SLC3A1: variants seen among roughly 807,000 people sequenced by gnomAD.
The protein encoded by SLC3A1 is solute carrier family 3 member 1.
Under a neutral mutation model 60.3 loss-of-function variants are expected in SLC3A1, and 78 were observed. The observed-to-expected ratio is 1.29, with a 90% confidence interval of 1.08 to 1.56. The LOEUF (loss-of-function observed/expected upper bound fraction) is 1.56, where lower values mean the gene tolerates loss of function less well. Among genes scored for constraint, SLC3A1 ranks in the 40% most tolerant of loss-of-function variants. The pLI is 0.00. For synonymous variants in SLC3A1, 392 were observed against 307.9 expected, an observed-to-expected ratio of 1.27 and a Z score of -2.86; for missense variants, 1,172 against 858.9, an observed-to-expected ratio of 1.36 and a Z score of -4.56.
chr2:44,311,602 A>G (rs544290585), intron 7 of SLC3A1, among the ~76,000 whole-genome samples: 2 of 152,284 alleles, frequency 1.3e-5, no homozygotes, highest in South Asian at 4.2e-4. Context: ...ATGACAGTGA[A>G]AAGAATAAAA....
Position 44,275,882 on chromosome 2 carries a change from A to G in SLC3A1, c.347A>G (p.Asp116Gly). Residue 116 changes from aspartate (D) to glycine (G), a missense_variant, in exon 1 of 10, where the codon GAC (aspartate) becomes GGC (glycine). Asp to Gly is a moderately conservative substitution (Grantham distance 94). Coordinates refer to ENST00000260649, the MANE Select transcript of SLC3A1 (RefSeq NM_000341.4). ...ATTGCCCTCTCTCCAAAGTGCCTAGACTGGTGGCAGGAGGGGCCCATGTAC... is the reference window on the plus strand; with the variant it reads ...ATTGCCCTCTCTCCAAAGTGCCTAGGCTGGTGGCAGGAGGGGCCCATGTAC... Reference protein sequence around the residue: ...AIIALSPKCLDWWQEGPMYQI... With the variant: ...AIIALSPKCLGWWQEGPMYQI... 6.2e-7 allele frequency: 1 copy of G among 1,614,168 alleles called. No homozygotes were observed.
chr2:44,278,954 T>A (rs1298557784), intron 1 of SLC3A1, among the ~76,000 whole-genome samples: 1 of 152,054 alleles, frequency 6.6e-6, no homozygotes, highest in African/African-American at 2.4e-5. Flanking sequence ...ACAACATTTA[T>A]CACCTTTTTA....
At chr2:44,300,345 A>G (rs1671971888) in intron 5 of SLC3A1, among the ~76,000 whole-genome samples, 1 of 152,240 alleles carries the variant, frequency 6.6e-6, no homozygotes, top group African/African-American at 2.4e-5. Context: ...AGACATGGAC[A>G]GTGTGGGCTC....
Position 44,320,744 on chromosome 2 carries a change from C to T in SLC3A1, c.*105C>T, listed in dbSNP as rs1203066145. The T allele has an allele frequency of 2.2e-5, 20 of 910,310 alleles. No individual in the cohort carries two copies. The highest frequency in any genetic ancestry group is 1.3e-4 in the African/African-American group (8 of 60,966). The allele number at this position is 910,310 out of a possible 1,614,324, so 56.4% of individuals were successfully genotyped here. On this transcript the variant is annotated 3_prime_UTR_variant, in exon 10 of 10. Coordinates refer to ENST00000260649, the MANE Select transcript of SLC3A1 (RefSeq NM_000341.4). ...GCTTGGTGAACAATCATTAATTCTT[C>T]GATATTTCTGTAGCTTGAATGTAAC...
intron 1 of SLC3A1, among the ~76,000 whole-genome samples, chr2:44,277,261 T>C (rs571216571): frequency 3.6e-4 from 55 of 151,946 alleles, no homozygotes; most frequent in Non-Finnish European, 7.2e-4. Flanking sequence ...GCATGCACCA[T>C]CATGCCTGGC....
Position 44,280,670 on chromosome 2 carries a change from C to A in SLC3A1, c.431-46C>A, listed in dbSNP as rs146770938. The A allele has an allele frequency of 2.2e-4, 312 of 1,389,760 alleles. 2 individuals carry two copies. The East Asian group carries it at 6.5e-3, about 29-fold the overall frequency. The allele number at this position is 1,389,760 out of a possible 1,614,324, so 86.1% of individuals were successfully genotyped here. Reference sequence around the variant, plus strand: ...ATTTGTTATATTTTTTGTCCTTTAACTAAAACAAAGTAGGGTTTATTCATG... The same window carrying A: ...ATTTGTTATATTTTTTGTCCTTTAAATAAAACAAAGTAGGGTTTATTCATG... On this transcript the variant is annotated intron_variant, in intron 1 of 9. Coordinates refer to ENST00000260649, the MANE Select transcript of SLC3A1 (RefSeq NM_000341.4).
chr2:44,299,651 C>G (rs971552959), intron 4 of SLC3A1, among the ~76,000 whole-genome samples: 4 of 152,116 alleles, frequency 2.6e-5, no homozygotes, highest in African/African-American at 7.2e-5. Flanking sequence ...TGAGTCCTAT[C>G]TTTTCTTATG....
chr2:44,301,182 T>C, intron 6 of SLC3A1, 55 bp downstream of exon 6: 1 of 1,607,264 alleles, frequency 6.2e-7, no homozygotes, highest in East Asian at 2.2e-5. Context: ...TGATCTGCAG[T>C]GTATCCCTCA....
rs766408502 is a variant in SLC3A1, at chr2:44,304,317, A to G, written c.1311A>G (p.Glu437=). 6.2e-7 allele frequency: 1 copy of G among 1,614,090 alleles called. No homozygotes were observed. Among genetic ancestry groups the G allele is most frequent in the Non-Finnish European group, 8.5e-7 (1 of 1,179,906 alleles). The change falls in exon 7 of 10, where the codon GAA becomes GAG. Residue 437 remains glutamate (E), a synonymous_variant. Coordinates refer to ENST00000260649, the MANE Select transcript of SLC3A1 (RefSeq NM_000341.4). ...VITSWMENMP[E]GKWPNWMIGG... is the part of the protein sequence containing the mutation. ...CATCCTGGATGGAAAACATGCCAGA[A>G]GGAAAATGGCCTAACTGGATGGTAA...
chr2:44,277,861 G>A (rs552050301), intron 1 of SLC3A1, among the ~76,000 whole-genome samples: 30 of 152,136 alleles, frequency 2.0e-4, no homozygotes, highest in Admixed American at 7.2e-4. Flanking sequence ...CAATCCATAG[G>A]CATTTGTCTT....
rs779172728 is a variant in SLC3A1 at position 44,320,253 on chromosome 2, C to T, written c.1672C>T (p.Leu558Phe). 6.2e-7 allele frequency: 1 copy of T among 1,614,096 alleles called. No individual in the cohort carries two copies. Among genetic ancestry groups the T allele is most frequent in the East Asian group, 2.2e-5 (1 of 44,882 alleles). Residue 558 changes from leucine to phenylalanine, a missense_variant, in exon 10 of 10, where the codon CTT becomes TTT. Leu to Phe is a conservative substitution (Grantham distance 22). Transcript: ENST00000260649. ...GAAGTTATATCAAGATTTAAGTCTA[C>T]TTCATGCCAATGAGCTACTCCTCAA... ...ALKLYQDLSL[L>F]HANELLLNRG...
intron 3 of SLC3A1, among the ~76,000 whole-genome samples, chr2:44,283,736 T>C (rs1278428231): frequency 1.3e-5 from 2 of 152,228 alleles, no homozygotes. Flanking sequence ...AATATGTATA[T>C]GTATATGATG....
At chr2:44,317,459 C>CAA (rs3074505) in intron 9 of SLC3A1, among the ~76,000 whole-genome samples, 83,450 of 141,392 alleles carry the variant, frequency 0.59, 24,887 homozygotes, top group Non-Finnish European at 0.65. Flanking sequence ...GAGATTGTGT[C>CAA]AAAAAAAAAA....
Position 44,304,181 on chromosome 2 carries a change from G to A in SLC3A1, c.1175G>A (p.Arg392Lys), listed in dbSNP as rs745983925. ...GAAGCCTATGCAGAGAGTATTGACAGGACCGTGATGTACTATGGATTGCCA... is the reference window on the plus strand; with the variant it reads ...GAAGCCTATGCAGAGAGTATTGACAAGACCGTGATGTACTATGGATTGCCA... ...GTEAYAESID[R>K]TVMYYGLPFI... Residue 392 changes from arginine to lysine, a missense_variant, in exon 7 of 10, where the codon AGG becomes AAG. Coordinates refer to ENST00000260649, the MANE Select transcript of SLC3A1 (RefSeq NM_000341.4). 3 of 1,614,150 alleles carry A rather than the reference G, an allele frequency of 1.9e-6. No individual in the cohort carries two copies. Among genetic ancestry groups the A allele is most frequent in the Non-Finnish European group, 2.5e-6 (3 of 1,179,986 alleles).
intron 4 of SLC3A1, among the ~76,000 whole-genome samples, chr2:44,290,821 G>A (rs1671726062): frequency 6.6e-6 from 1 of 151,700 alleles, no homozygotes; most frequent in South Asian, 2.1e-4. Flanking sequence ...TGTGGGGTGG[G>A]TAGTTGTAGA....
intron 4 of SLC3A1, among the ~76,000 whole-genome samples, chr2:44,293,609 C>G (rs1671784846): frequency 6.6e-6 from 1 of 151,710 alleles, no homozygotes; most frequent in Admixed American, 6.6e-5. Flanking sequence ...TGGCTGATGT[C>G]TACAGAGCTC....
intron 9 of SLC3A1, chr2:44,318,393 C>A (rs1672617022): frequency 1.7e-5 from 3 of 174,142 alleles, no homozygotes; most frequent in South Asian, 1.1e-4. Flanking sequence ...GCCTGGCCTG[C>A]AAAATTTGTT....
chr2:44,294,792 A>G (rs1671813963), intron 4 of SLC3A1, among the ~76,000 whole-genome samples: 1 of 152,200 alleles, frequency 6.6e-6, no homozygotes, highest in African/African-American at 2.4e-5. Context: ...TCTTGCCTCT[A>G]AGTAGAGAAC....
intron 7 of SLC3A1, among the ~76,000 whole-genome samples, chr2:44,312,378 A>G (rs1672319818): frequency 1.3e-5 from 2 of 152,196 alleles, no homozygotes; most frequent in African/African-American, 4.8e-5. Flanking sequence ...ATAAATTCTT[A>G]TCACCCTTTT....
Sources: allele counts gnomAD v4.1 joint callset (sites outside exome capture counted in the v4.1 genomes callset), GRCh38; gene constraint gnomAD v4.1.1; transcripts MANE v1.5; gene names NCBI Gene and HGNC (gene_info 2026-07-23, HGNC 2026-07-21).